ADAMTS17: variants seen among roughly 807,000 people sequenced by gnomAD.
The protein encoded by ADAMTS17 is A disintegrin and metalloproteinase with thrombospondin motifs 17.
ADAMTS17 carries 113 observed loss-of-function variants against 141.5 expected under a neutral mutation model. That is an observed-to-expected ratio of 0.80 (90% CI 0.69 to 0.93). The LOEUF is 0.93. Among genes scored for constraint, ADAMTS17 ranks in the 40% least tolerant of loss-of-function variants. The pLI, the probability that ADAMTS17 is intolerant of heterozygous loss-of-function variation, is 0.00. For missense variants in ADAMTS17, 1,659 were observed against 1,517.9 expected (o/e 1.09, Z -1.54); for synonymous variants, 768 against 630.6 (o/e 1.22, Z -3.27).
chr15:100,150,574 T>TC lies in ADAMTS17; in HGVS notation c.1473+2037dup, dbSNP rs1439021396. On this transcript the variant is annotated intron_variant, in intron 10 of 21. Coordinates refer to ENST00000268070, the MANE Select transcript of ADAMTS17 (RefSeq NM_139057.4). ...CTGTGAGTCCCCAGTACAAGTGCCT[T>TC]CCTCCCTCTGTCCCTCCTCATCCAA... 3.9e-5 allele frequency among the ~76,000 whole-genome samples: 6 copies of TC among 152,254 alleles called. No individual in the cohort carries two copies. The East Asian group carries it at 9.6e-4, about 24-fold the overall frequency.
chr15:99,997,423 C>A lies in ADAMTS17; in HGVS notation c.2758G>T (p.Asp920Tyr). ...PAAVQSCEGQDCLSIWEASEW... is the reference protein window; with the variant it reads ...PAAVQSCEGQYCLSIWEASEW... ...GACGCCTCCCAGATGGACAGGCAGTCCTGGCCTTCACAGCTCTGCACTGCC... is the reference window on the plus strand; with the variant it reads ...GACGCCTCCCAGATGGACAGGCAGTACTGGCCTTCACAGCTCTGCACTGCC... The change falls in exon 19 of 22, where the codon GAC (aspartate) becomes TAC (tyrosine). Residue 920 changes from aspartate (D) to tyrosine (Y), a missense_variant. Coordinates refer to ENST00000268070, the MANE Select transcript of ADAMTS17 (RefSeq NM_139057.4). The surrounding 1 kb of genome is among the most constrained non-coding windows in gnomAD (Gnocchi z 4.7). 4 of 1,613,756 alleles carry A rather than the reference C, an allele frequency of 2.5e-6. No homozygotes were observed. The South Asian group carries it at 4.4e-5, about 18-fold the overall frequency.
intron 3 of ADAMTS17, among the ~76,000 whole-genome samples, chr15:100,312,823 T>A (rs1220921587): frequency 6.6e-6 from 1 of 151,762 alleles, no homozygotes; most frequent in Non-Finnish European, 1.5e-5. Flanking sequence ...ATAACTTTAA[T>A]GTACCAAAGG....
At chr15:99,979,147 T>A (rs535661784) in intron 20 of ADAMTS17, 2 of 152,284 alleles carry the variant, frequency 1.3e-5, no homozygotes, top group East Asian at 3.9e-4. Context: ...TCCCAGCACA[T>A]TGGGAGGCTG....
At chr15:100,071,860 C>T (rs907113863) in intron 15 of ADAMTS17, among the ~76,000 whole-genome samples, 18 of 150,340 alleles carry the variant, frequency 1.2e-4, no homozygotes, top group African/African-American at 4.2e-4. Flanking sequence ...CAGGGATGCC[C>T]TCTCTCGCCA....
intron 13 of ADAMTS17, among the ~76,000 whole-genome samples, chr15:100,111,541 C>T (rs897113296): frequency 3.9e-5 from 6 of 152,256 alleles, no homozygotes; most frequent in Non-Finnish European, 8.8e-5. Flanking sequence ...GGGAGAAATA[C>T]AGCAACACAG....
intron 15 of ADAMTS17, among the ~76,000 whole-genome samples, chr15:100,069,790 A>G (rs2033837807): frequency 6.6e-6 from 1 of 150,428 alleles, no homozygotes; most frequent in South Asian, 2.1e-4. Context: ...TGCAAAAACA[A>G]GCCAAATTGT....
chr15:100,059,522 G>A (rs969156324), intron 15 of ADAMTS17, among the ~76,000 whole-genome samples: 7 of 152,172 alleles, frequency 4.6e-5, no homozygotes, highest in Admixed American at 2.6e-4. Flanking sequence ...ATTTGCCGTG[G>A]TCCATCTGAA....
intron 7 of ADAMTS17, among the ~76,000 whole-genome samples, chr15:100,213,075 A>AGT (rs968333046): frequency 3.3e-5 from 5 of 152,186 alleles, no homozygotes; most frequent in African/African-American, 1.2e-4. Flanking sequence ...TATAATCTTG[A>AGT]GTGTGTATAT....
chr15:100,017,020 C>T (rs2061304350), intron 18 of ADAMTS17, among the ~76,000 whole-genome samples: 1 of 152,118 alleles, frequency 6.6e-6, no homozygotes, highest in South Asian at 2.1e-4. Context: ...AGCTCAGACT[C>T]TCCTTGGGCT....
intron 8 of ADAMTS17, among the ~76,000 whole-genome samples, chr15:100,167,494 CT>C (rs2039995918): frequency 6.6e-6 from 1 of 152,132 alleles, no homozygotes; most frequent in Non-Finnish European, 1.5e-5. Flanking sequence ...ATTTCTTAGA[CT>C]TGAAGAGTCA....
chr15:100,335,105 C>T (rs1418157510), intron 2 of ADAMTS17, among the ~76,000 whole-genome samples: 3 of 152,132 alleles, frequency 2.0e-5, no homozygotes, highest in Non-Finnish European at 4.4e-5. Flanking sequence ...GTGAGAAATG[C>T]AAGCTCTCAG....
At chr15:100,159,173 G>A (rs893417715) in intron 8 of ADAMTS17, among the ~76,000 whole-genome samples, 1 of 152,112 alleles carries the variant, frequency 6.6e-6, no homozygotes, top group Non-Finnish European at 1.5e-5. Context: ...TCACTCCCAC[G>A]TTCAGTTACA....
chr15:100,304,956 T>C (rs915477649), intron 3 of ADAMTS17, among the ~76,000 whole-genome samples: 2 of 152,240 alleles, frequency 1.3e-5, no homozygotes, highest in African/African-American at 4.8e-5. Flanking sequence ...ATGATTTTCT[T>C]AGTAACATTT....
In ADAMTS17 at chr15:99,997,730, G is replaced by A. The variant is rs1317608738; in HGVS notation, c.2592-141C>T. The A allele has an allele frequency of 1.0e-6, 1 of 1,004,404 alleles. No individual in the cohort carries two copies. The highest frequency in any genetic ancestry group is 1.6e-5 in the African/African-American group (1 of 62,812). 62.2% of individuals were successfully genotyped at this position (1,004,404 alleles called of 1,614,324 possible). A position where few individuals can be genotyped will look rare whatever the true frequency, so the allele number is the denominator to read the frequency against. The stretch of plus-strand genomic sequence containing the variant: ...CTCAGGAAGCTTTTCAGCCAACCCT[G>A]GACATAACTCAGAGTATCGGCACAG... On this transcript the variant is annotated intron_variant, in intron 18 of 21. Coordinates refer to ENST00000268070, the MANE Select transcript of ADAMTS17 (RefSeq NM_139057.4). This position sits in a 1 kb window ranked among gnomAD's most constrained non-coding sequence, Gnocchi z 4.7.
At chr15:100,211,456 C>G (rs1009244324) in intron 7 of ADAMTS17, among the ~76,000 whole-genome samples, 29 of 152,270 alleles carry the variant, frequency 1.9e-4, no homozygotes, top group Admixed American at 5.2e-4. Flanking sequence ...AACTCTCAAC[C>G]TCATGCCAGA....
At chr15:100,244,989 G>A (rs1265139212) in intron 7 of ADAMTS17, among the ~76,000 whole-genome samples, 1 of 152,184 alleles carries the variant, frequency 6.6e-6, no homozygotes, top group East Asian at 1.9e-4. Context: ...GGGTCAGGCT[G>A]ACTCCGAATT....
intron 3 of ADAMTS17, among the ~76,000 whole-genome samples, chr15:100,317,311 C>G (rs2045595734): frequency 6.6e-6 from 1 of 152,148 alleles, no homozygotes; most frequent in Admixed American, 6.5e-5. Context: ...GACGACTGAA[C>G]ACTCAGGGTG....
intron 15 of ADAMTS17, among the ~76,000 whole-genome samples, chr15:100,080,114 C>T (rs2034633858): frequency 6.9e-6 from 1 of 144,766 alleles, no homozygotes; most frequent in Non-Finnish European, 1.5e-5. Flanking sequence ...GAACTGACAC[C>T]ACTCACCATC....
chr15:100,186,780 C>G (rs981315987), intron 8 of ADAMTS17, among the ~76,000 whole-genome samples: 4 of 152,258 alleles, frequency 2.6e-5, no homozygotes, highest in Non-Finnish European at 2.9e-5. Context: ...TCCCCTATCT[C>G]TGCACGATCC....
Sources: allele counts gnomAD v4.1 joint callset (sites outside exome capture counted in the v4.1 genomes callset), GRCh38; gene constraint gnomAD v4.1.1; non-coding constraint Gnocchi (gnomAD v3.1); transcripts MANE v1.5; gene names NCBI Gene and HGNC (gene_info 2026-07-23, HGNC 2026-07-21).